Variants in PCDHGA7 observed in about 807,000 individuals in gnomAD.
PCDHGA7 encodes protocadherin gamma subfamily A, 7.
A neutral mutation model predicts 58.3 loss-of-function variants in PCDHGA7; 44 were observed. The ratio of observed to expected loss-of-function variants is 0.75; its 90% CI spans 0.59 to 0.97. The LOEUF (loss-of-function observed/expected upper bound fraction) is 0.97. Ranked by LOEUF, PCDHGA7 falls within the 50% of genes least tolerant of loss-of-function variation. PCDHGA7 has a pLI of 0.00. For synonymous variants in PCDHGA7, 516 were observed against 504.2 expected, an observed-to-expected ratio of 1.02 and a Z score of -0.31; for missense variants, 1,266 against 1,188.7, an observed-to-expected ratio of 1.06 and a Z score of -0.96.
rs751034521 is a variant in PCDHGA7, at chr5:141,405,112, C to A, written c.2424+19789C>A. ...TGGCCCTCAGGCTGAGGCACTGGCA[C>A]TCCTCGCATCTGCTGCGGGCTACCA... On this transcript the variant is annotated intron_variant, in intron 1 of 3. Coordinates refer to ENST00000518325, the MANE Select transcript of PCDHGA7 (RefSeq NM_018920.4). 4.5e-5 allele frequency: 73 copies of A among 1,613,868 alleles called. 1 individual carries two copies. The Middle Eastern group carries it at 5.9e-3, about 131-fold the overall frequency.
In PCDHGA7 at chr5:141,399,312, A is replaced by C. The variant is rs142753281; in HGVS notation, c.2424+13989A>C. 774 of 1,613,972 alleles carry C rather than the reference A, an allele frequency of 4.8e-4. 4 individuals carry two copies. The African/African-American group carries it at 8.9e-3, about 19-fold the overall frequency. ...CTTTTAAGATTATCTCTTCATCCAAAAATTCGTATAAGTTGGTAACAGATG... is the reference window on the plus strand; with the variant it reads ...CTTTTAAGATTATCTCTTCATCCAACAATTCGTATAAGTTGGTAACAGATG... On this transcript the variant is annotated intron_variant, in intron 1 of 3. Transcript: ENST00000518325.
At position 141,410,457 on chromosome 5, in the gene PCDHGA7, A is replaced by G. The variant is rs372920524; in HGVS notation, c.2424+25134A>G. 1.2e-6 allele frequency: 2 copies of G among 1,614,044 alleles called. No homozygotes were observed. ...AGTGAGGGGACTTTGCCTTATTCTTATAATCTGTGCATTGCACATACGGGT... is the reference window on the plus strand; with the variant it reads ...AGTGAGGGGACTTTGCCTTATTCTTGTAATCTGTGCATTGCACATACGGGT... On this transcript the variant is annotated intron_variant, in intron 1 of 3. Transcript: ENST00000518325.
rs370286425 is a variant in PCDHGA7, at chr5:141,431,234, G to A, written c.2424+45911G>A. On this transcript the variant is annotated intron_variant, in intron 1 of 3. Coordinates refer to ENST00000518325, the MANE Select transcript of PCDHGA7 (RefSeq NM_018920.4). This position sits in a 1 kb window ranked among gnomAD's most constrained non-coding sequence, Gnocchi z 4.8. ...GCGGTTCCCTCTACCCCACGCCTGGGATCCGGATATCGGGAAGAACTCTCT... is the reference window on the plus strand; with the variant it reads ...GCGGTTCCCTCTACCCCACGCCTGGAATCCGGATATCGGGAAGAACTCTCT... 13 of 1,614,052 alleles carry A rather than the reference G, an allele frequency of 8.1e-6. No individual in the cohort carries two copies. The highest frequency in any genetic ancestry group is 2.7e-5 in the African/African-American group (2 of 74,940).
intron 1 of PCDHGA7, among the ~76,000 whole-genome samples, chr5:141,397,091 A>G (rs1162135708): frequency 1.3e-5 from 2 of 152,264 alleles, no homozygotes; most frequent in Non-Finnish European, 2.9e-5. Flanking sequence ...CATTTCAGAT[A>G]GGATAATAAT....
chr5:141,490,257 T>C lies in PCDHGA7; in HGVS notation c.2425-4550T>C, dbSNP rs2099697852. On this transcript the variant is annotated intron_variant, in intron 1 of 3. Coordinates refer to ENST00000518325, the MANE Select transcript of PCDHGA7 (RefSeq NM_018920.4). The surrounding 1 kb of genome is among the most constrained non-coding windows in gnomAD (Gnocchi z 5.4). ...AGGGCCACTGTGTGATTCAAGTGGATGTGGGGGATGTCAATGACAATGCCC... is the reference window on the plus strand; with the variant it reads ...AGGGCCACTGTGTGATTCAAGTGGACGTGGGGGATGTCAATGACAATGCCC... The C allele has an allele frequency of 6.2e-7, 1 of 1,614,208 alleles. No individual in the cohort carries two copies. Among genetic ancestry groups the C allele is most frequent in the South Asian group, 1.1e-5 (1 of 91,078 alleles).
chr5:141,421,069 A>T, intron 1 of PCDHGA7: 1 of 598,532 alleles, frequency 1.7e-6, no homozygotes, highest in Non-Finnish European at 2.8e-6. Context: ...AAGCGGAATG[A>T]GATGGATACT....
chr5:141,389,270 C>A, intron 1 of PCDHGA7: 1 of 1,614,004 alleles, frequency 6.2e-7, no homozygotes, highest in Non-Finnish European at 8.5e-7. Flanking sequence ...TGGCCGAGAA[C>A]AACCCGCCTG....
At chr5:141,418,344 T>G (rs746519142) in intron 1 of PCDHGA7, 1 of 1,614,008 alleles carries the variant, frequency 6.2e-7, no homozygotes, top group Non-Finnish European at 8.5e-7. Context: ...GATCCTGATA[T>G]TAGTATGAAT....
At chr5:141,455,842 C>T (rs1224197325) in intron 1 of PCDHGA7, among the ~76,000 whole-genome samples, 1 of 150,876 alleles carries the variant, frequency 6.6e-6, no homozygotes, top group Non-Finnish European at 1.5e-5. Context: ...TGTCTATCTG[C>T]ATAAAATAAT....
chr5:141,392,774 C>G (rs752798314), intron 1 of PCDHGA7: 1 of 1,520,452 alleles, frequency 6.6e-7, no homozygotes, highest in East Asian at 2.3e-5. Context: ...CCCATTTATG[C>G]ACAGTGAAGA....
intron 1 of PCDHGA7, among the ~76,000 whole-genome samples, chr5:141,446,714 G>T (rs193229261): frequency 2.6e-5 from 4 of 152,044 alleles, no homozygotes; most frequent in African/African-American, 9.7e-5. Flanking sequence ...TGATCTGCCC[G>T]CCTCGGCCTC....
chr5:141,408,865 A>T (rs765751172), intron 1 of PCDHGA7: 9 of 1,613,684 alleles, frequency 5.6e-6, no homozygotes, highest in Admixed American at 1.7e-5. Flanking sequence ...GGGACCCACC[A>T]AGAAGTGCCA....
chr5:141,404,185 C>T, intron 1 of PCDHGA7: 1 of 1,613,214 alleles, frequency 6.2e-7, no homozygotes, highest in Non-Finnish European at 8.5e-7. Context: ...AAATTCTTGA[C>T]CGAGAAAAAG....
rs371245499 is a variant in PCDHGA7 at position 141,399,811 on chromosome 5, G to T, written c.2424+14488G>T. 1.0e-4 allele frequency: 169 copies of T among 1,613,100 alleles called. No homozygotes were observed. The highest frequency in any genetic ancestry group is 1.4e-4 in the Non-Finnish European group (163 of 1,179,762). ...CAACGCACCGCGGGTGCTGTACCCC[G>T]CGCTGGGTCCCGACGGCTCTGCGCT... On this transcript the variant is annotated intron_variant, in intron 1 of 3. Coordinates refer to ENST00000518325, the MANE Select transcript of PCDHGA7 (RefSeq NM_018920.4).
intron 1 of PCDHGA7, among the ~76,000 whole-genome samples, chr5:141,437,411 T>C (rs1014219268): frequency 1.1e-4 from 17 of 152,222 alleles, no homozygotes; most frequent in African/African-American, 4.1e-4. Flanking sequence ...TCCAGAAGTA[T>C]TATGCTTTTT....
Position 141,491,498 on chromosome 5 carries a change from C to T in PCDHGA7, c.2425-3309C>T, listed in dbSNP as rs975297143. 2 of 1,614,102 alleles carry T rather than the reference C, an allele frequency of 1.2e-6. No homozygotes were observed. Among genetic ancestry groups the T allele is most frequent in the Non-Finnish European group, 1.7e-6 (2 of 1,180,018 alleles). ...TCCAGCCCCAACCTGCAGGTGAGCT[C>T]GGACGGCACGCTCAAGTACATGGAG... On this transcript the variant is annotated intron_variant, in intron 1 of 3. Transcript: ENST00000518325. The surrounding 1 kb of genome is among the most constrained non-coding windows in gnomAD (Gnocchi z 6.9).
rs544291535 is a variant in PCDHGA7 at position 141,433,938 on chromosome 5, C to T, written c.2424+48615C>T. 4.6e-5 allele frequency among the ~76,000 whole-genome samples: 7 copies of T among 151,784 alleles called. No homozygotes were observed. The South Asian group carries it at 1.3e-3, about 27-fold the overall frequency. On this transcript the variant is annotated intron_variant, in intron 1 of 3. Coordinates refer to ENST00000518325, the MANE Select transcript of PCDHGA7 (RefSeq NM_018920.4). ...CCTCCAAATGAAGATTTTATAATTCCATTGTTTCTTCTACAGTTGTTAATT... is the reference window on the plus strand; with the variant it reads ...CCTCCAAATGAAGATTTTATAATTCTATTGTTTCTTCTACAGTTGTTAATT...
chr5:141,476,023 G>T lies in PCDHGA7; in HGVS notation c.2425-18784G>T. On this transcript the variant is annotated intron_variant, in intron 1 of 3. Coordinates refer to ENST00000518325, the MANE Select transcript of PCDHGA7 (RefSeq NM_018920.4). The surrounding 1 kb of genome is among the most constrained non-coding windows in gnomAD (Gnocchi z 7.6). Reference sequence around the variant, plus strand: ...CATCCAGAAAGCCATGTCGGACTCGGCGCCCAGCGCCCAAGCGCTAACCCG... The same window carrying T: ...CATCCAGAAAGCCATGTCGGACTCGTCGCCCAGCGCCCAAGCGCTAACCCG... The T allele has an allele frequency of 7.1e-7, 1 of 1,415,690 alleles. No individual in the cohort carries two copies. Among genetic ancestry groups the T allele is most frequent in the Non-Finnish European group, 9.5e-7 (1 of 1,057,324 alleles). 87.7% of individuals were successfully genotyped at this position (1,415,690 alleles called of 1,614,324 possible).
chr5:141,423,501 C>G, intron 1 of PCDHGA7: 1 of 1,613,990 alleles, frequency 6.2e-7, no homozygotes, highest in African/African-American at 1.3e-5. Flanking sequence ...CCCACGAGGT[C>G]TCTCTCATTG....
Sources: allele counts gnomAD v4.1 joint callset (sites outside exome capture counted in the v4.1 genomes callset), GRCh38; gene constraint gnomAD v4.1.1; non-coding constraint Gnocchi (gnomAD v3.1); transcripts MANE v1.5; gene names NCBI Gene and HGNC (gene_info 2026-07-23, HGNC 2026-07-21).